Variants in WDR64 observed in about 807,000 individuals in gnomAD.
WDR64 encodes WD repeat-containing protein 64.
WDR64 carries 112 observed loss-of-function variants against 139.3 expected under a neutral mutation model. The ratio of observed to expected loss-of-function variants is 0.80; its 90% CI spans 0.69 to 0.94. WDR64 has a LOEUF of 0.94. Ranked by LOEUF, WDR64 falls within the 40% of genes least tolerant of loss-of-function variation. The pLI, the probability that WDR64 is intolerant of heterozygous loss-of-function variation, is 0.00. For missense variants in WDR64, 1,206 were observed against 1,293.1 expected, an observed-to-expected ratio of 0.93 and a Z score of 1.03; for synonymous variants, 444 against 437.7, an observed-to-expected ratio of 1.01 and a Z score of -0.18.
chr1:241,675,010 T>TGCCTCCC lies in WDR64; in HGVS notation c.483+263_483+264insGCCTCCC, dbSNP rs1349883559. 2.3e-4 allele frequency among the ~76,000 whole-genome samples: 7 copies of TGCCTCCC among 30,902 alleles called. 1 individual carries two copies. Among genetic ancestry groups the TGCCTCCC allele is most frequent in the East Asian group, 5.9e-4 (1 of 1,698 alleles). The allele number at this position is 30,902 out of a possible 152,430, so 20.3% of individuals were successfully genotyped here. ...CTCCCTTTCTCCCTCCCTCTCTTCC[T>TGCCTCCC]TCCTTTCTTCTTCCTTCCCTCCCTC... is the stretch of plus-strand genomic sequence containing the variant. On this transcript the variant is annotated intron_variant, in intron 4 of 27. Coordinates refer to ENST00000437684, the MANE Select transcript of WDR64 (RefSeq NM_001367482.1).
Position 241,656,523 on chromosome 1 carries a change from C to T in WDR64, c.145+3894C>T, listed in dbSNP as rs902711070. Among the ~76,000 whole-genome samples the T allele has an allele frequency of 6.6e-6, 1 of 152,182 alleles. No individual in the cohort carries two copies. Among genetic ancestry groups the T allele is most frequent in the African/African-American group, 2.4e-5 (1 of 41,448 alleles). On this transcript the variant is annotated intron_variant, in intron 1 of 27. Transcript: ENST00000437684. The surrounding 1 kb of genome is among the most constrained non-coding windows in gnomAD (Gnocchi z 4.3). ...CAGCTAAGGAACTGTTCAGATGCCT[C>T]ATGAGAATTTCTGACTCAATATTAC...
intron 26 of WDR64, among the ~76,000 whole-genome samples, chr1:241,795,615 T>C (rs902483842): frequency 3.3e-5 from 5 of 152,162 alleles, no homozygotes; most frequent in African/African-American, 9.7e-5. Flanking sequence ...TTCCTCATAC[T>C]CTGCCTATAT....
intron 10 of WDR64, among the ~76,000 whole-genome samples, chr1:241,734,250 A>C (rs1669207873): frequency 6.6e-6 from 1 of 152,088 alleles, no homozygotes; most frequent in Admixed American, 6.6e-5. Flanking sequence ...TCTTACATAT[A>C]TTAATTGATA....
chr1:241,724,995 C>G (rs957848508), intron 10 of WDR64, among the ~76,000 whole-genome samples: 3 of 152,060 alleles, frequency 2.0e-5, no homozygotes, highest in African/African-American at 4.8e-5. Context: ...CTCAGCCTGC[C>G]TCCCTATACT....
At chr1:241,798,720 T>C (rs1314033887) in intron 27 of WDR64, among the ~76,000 whole-genome samples, 1 of 152,196 alleles carries the variant, frequency 6.6e-6, no homozygotes, top group African/African-American at 2.4e-5. Context: ...TACAGTACAG[T>C]TGGAAGAAAG....
At chr1:241,784,953 G>GGAAAAAAAAAAAA (rs766802128) in intron 23 of WDR64, among the ~76,000 whole-genome samples, 853 of 62,192 alleles carry the variant, frequency 0.014, 116 homozygotes, top group Middle Eastern at 0.053. Context: ...GACTCTGTCT[G>GGAAAAAAAAAAAA]AAAAAAAAAA....
At chr1:241,774,069 G>A (rs1658560781) in intron 20 of WDR64, among the ~76,000 whole-genome samples, 1 of 152,194 alleles carries the variant, frequency 6.6e-6, no homozygotes, top group Non-Finnish European at 1.5e-5. Context: ...GAATTAAGAG[G>A]ACAGAAGATG....
At chr1:241,715,092 T>G (rs1188880128) in intron 9 of WDR64, among the ~76,000 whole-genome samples, 1 of 152,080 alleles carries the variant, frequency 6.6e-6, no homozygotes, top group Non-Finnish European at 1.5e-5. Context: ...AGTGAGGACA[T>G]GAAGAAAAGA....
chr1:241,751,117 A>G (rs981295335), intron 14 of WDR64, among the ~76,000 whole-genome samples: 7 of 152,100 alleles, frequency 4.6e-5, no homozygotes, highest in African/African-American at 1.7e-4. Context: ...AATATTTGCC[A>G]TGTTCCAGAA....
At chr1:241,764,825 G>T (rs899336437) in intron 15 of WDR64, among the ~76,000 whole-genome samples, 1 of 152,286 alleles carries the variant, frequency 6.6e-6, no homozygotes, top group Non-Finnish European at 1.5e-5. Flanking sequence ...AGAAAGGAAG[G>T]AAAGAAGGAC....
intron 21 of WDR64, among the ~76,000 whole-genome samples, chr1:241,775,826 C>G (rs904415476): frequency 1.3e-5 from 2 of 152,020 alleles, no homozygotes; most frequent in Non-Finnish European, 2.9e-5. Flanking sequence ...TCAAGTTTGT[C>G]AAAACAATTA....
Position 241,699,529 on chromosome 1 carries a change from T to G in WDR64, c.974+11934T>G, listed in dbSNP as rs149534542. Among the ~76,000 whole-genome samples the G allele has an allele frequency of 3.8e-3, 575 of 151,972 alleles. 6 individuals carry two copies. Among genetic ancestry groups the G allele is most frequent in the African/African-American group, 0.014 (562 of 41,442 alleles). ...GGTGATAAGTGCCATGATACAGATG[T>G]AAGAGAGGGGTATGACAGGAGTGCT... On this transcript the variant is annotated intron_variant, in intron 8 of 27. Transcript: ENST00000437684.
At chr1:241,675,024 CT>C (rs761141297) in intron 4 of WDR64, among the ~76,000 whole-genome samples, 776 of 29,830 alleles carry the variant, frequency 0.026, 60 homozygotes, top group Middle Eastern at 0.14. Context: ...TTTCTTCTTC[CT>C]TCCCTCCCTC....
At chr1:241,680,946 CT>C (rs1481603917) in intron 6 of WDR64, among the ~76,000 whole-genome samples, 8 of 152,138 alleles carry the variant, frequency 5.3e-5, no homozygotes, top group Non-Finnish European at 8.8e-5. Context: ...GACTTGTCCT[CT>C]TTCAAATTCC....
intron 27 of WDR64, among the ~76,000 whole-genome samples, chr1:241,800,503 T>G (rs1461771430): frequency 6.6e-6 from 1 of 152,160 alleles, no homozygotes; most frequent in Non-Finnish European, 1.5e-5. Flanking sequence ...TTTTATTAGC[T>G]GGACGTGGTG....
chr1:241,739,333 A>AT (rs1007604358), intron 11 of WDR64, among the ~76,000 whole-genome samples: 1 of 152,160 alleles, frequency 6.6e-6, no homozygotes, highest in Admixed American at 6.5e-5. Context: ...TTTCCTAAGC[A>AT]TTTTCCCACT....
chr1:241,704,520 A>G (rs926622060), intron 8 of WDR64, among the ~76,000 whole-genome samples: 3 of 152,186 alleles, frequency 2.0e-5, no homozygotes, highest in African/African-American at 7.2e-5. Flanking sequence ...CCAAATTGAC[A>G]TCAATTATAT....
intron 4 of WDR64, among the ~76,000 whole-genome samples, chr1:241,675,162 A>ACCTCCCACCCTCCTTCCTTCTTTCCTT (rs1666480761): frequency 3.2e-4 from 2 of 6,296 alleles, no homozygotes; most frequent in Non-Finnish European, 5.6e-4. Flanking sequence ...CTTCTTCCCT[A>ACCTCCCACCCTCCTTCCTTCTTTCCTT]CCTCCCACCC....
At chr1:241,681,086 T>TTCTCTC (rs113784729) in intron 6 of WDR64, among the ~76,000 whole-genome samples, 1 of 150,350 alleles carries the variant, frequency 6.7e-6, no homozygotes, top group Non-Finnish European at 1.5e-5. Flanking sequence ...CTACAGCCTC[T>TTCTCTC]TCTCTCTCTC....
Sources: gnomAD v4.1 joint callset for allele counts (sites outside exome capture counted in the v4.1 genomes callset) on GRCh38, gnomAD v4.1.1 for gene constraint, Gnocchi (gnomAD v3.1) non-coding constraint, MANE v1.5 for transcripts, NCBI Gene and HGNC (gene_info 2026-07-23, HGNC 2026-07-21) for gene names.